CACNA1E: variants seen among roughly 807,000 people sequenced by gnomAD.
The protein encoded by CACNA1E is voltage-dependent R-type calcium channel subunit alpha-1E.
CACNA1E carries 40 observed loss-of-function variants against 259.2 expected under a neutral mutation model. That is an observed-to-expected ratio of 0.15 (90% confidence interval 0.12 to 0.20). The LOEUF is 0.20. Among genes scored for constraint, CACNA1E ranks in the 10% least tolerant of loss-of-function variants. The pLI, the probability that CACNA1E is intolerant of heterozygous loss-of-function variation, is 1.00. For missense variants in CACNA1E, 1,874 were observed against 3,040.1 expected (o/e 0.62, Z 9.02); for synonymous variants, 1,104 against 1,138.5 (o/e 0.97, Z 0.61).
intron 2 of CACNA1E, among the ~76,000 whole-genome samples, chr1:181,429,046 G>A (rs191514877): frequency 2.3e-4 from 35 of 152,204 alleles, no homozygotes; most frequent in African/African-American, 8.2e-4. Flanking sequence ...GCTGGGCATG[G>A]TGGCACACGC....
chr1:181,722,234 A>C (rs937033035), intron 16 of CACNA1E, among the ~76,000 whole-genome samples: 1 of 152,224 alleles, frequency 6.6e-6, no homozygotes, highest in African/African-American at 2.4e-5. Flanking sequence ...ATTACATGCT[A>C]ATGTAGAACA....
Position 181,732,622 on chromosome 1 carries a change from G to A in CACNA1E, c.2536G>A (p.Glu846Lys), listed in dbSNP as rs776705172. ...CCTGGGCCTGGCCCTGGAGAAGTTC[G>A]AGGAGGAGCGCATCAGCCGTGGGGG... is the stretch of plus-strand genomic sequence containing the variant. ...LALGLALEKF[E>K]EERISRGGSL... The change falls in exon 20 of 48, where the codon GAG becomes AAG. Residue 846 changes from glutamate to lysine, a missense_variant. Glu to Lys is a moderately conservative substitution (Grantham distance 56). This residue lies in a region of CACNA1E where 476 missense variants were observed against 514.0 expected (regional missense o/e 0.93). Transcript: ENST00000367573. This position sits in a 1 kb window ranked among gnomAD's most constrained non-coding sequence, Gnocchi z 5.5. The A allele has an allele frequency of 2.4e-5, 35 of 1,489,000 alleles. No homozygotes were observed. In the South Asian group the frequency reaches 2.9e-4, roughly 12 times the overall value. The allele number at this position is 1,489,000 out of a possible 1,614,324, so 92.2% of individuals were successfully genotyped here.
chr1:181,663,396 T>C (rs1274765233), intron 7 of CACNA1E, among the ~76,000 whole-genome samples: 1 of 152,230 alleles, frequency 6.6e-6, no homozygotes, highest in African/African-American at 2.4e-5. Flanking sequence ...CTGGATGCAC[T>C]ATCTTCCTGT....
At chr1:181,763,826 T>C (rs1658796432) in intron 34 of CACNA1E, among the ~76,000 whole-genome samples, 1 of 152,222 alleles carries the variant, frequency 6.6e-6, no homozygotes, top group Non-Finnish European at 1.5e-5. Context: ...AAGATGTGCT[T>C]CATCCATAGA....
chr1:181,693,553 A>G (rs1558273760), intron 7 of CACNA1E, among the ~76,000 whole-genome samples: 1 of 152,218 alleles, frequency 6.6e-6, no homozygotes, highest in Non-Finnish European at 1.5e-5. Flanking sequence ...TTAATGCAGG[A>G]ACAGAAAACC....
chr1:181,707,954 G>A (rs1030406410), intron 7 of CACNA1E, among the ~76,000 whole-genome samples: 2 of 152,190 alleles, frequency 1.3e-5, no homozygotes, highest in Non-Finnish European at 2.9e-5. Context: ...AAGGGATGGG[G>A]AAGAGGTAGA....
At chr1:181,375,241 G>C (rs1475962334) in intron 1 of CACNA1E, among the ~76,000 whole-genome samples, 14 of 152,160 alleles carry the variant, frequency 9.2e-5, no homozygotes, top group Admixed American at 9.2e-4. Flanking sequence ...TGATGCATTA[G>C]ACAAATAACA....
At chr1:181,409,046 A>C (rs1379427029) in intron 1 of CACNA1E, among the ~76,000 whole-genome samples, 1 of 152,206 alleles carries the variant, frequency 6.6e-6, no homozygotes, top group Non-Finnish European at 1.5e-5. Context: ...AATGGAGTCC[A>C]AGAGACGCAG....
intron 6 of CACNA1E, among the ~76,000 whole-genome samples, chr1:181,593,097 T>G (rs983316853): frequency 2.6e-5 from 4 of 152,214 alleles, no homozygotes; most frequent in Non-Finnish European, 4.4e-5. Context: ...GTTTCTACCT[T>G]GAAAGTTTTA....
chr1:181,528,639 C>A (rs1452610311), intron 3 of CACNA1E, among the ~76,000 whole-genome samples: 1 of 152,140 alleles, frequency 6.6e-6, no homozygotes, highest in Non-Finnish European at 1.5e-5. Context: ...CTGTGGTTGT[C>A]TCAGGTGGAG....
chr1:181,641,703 G>GTTTTTTTTTTTT (rs751082929), intron 6 of CACNA1E, among the ~76,000 whole-genome samples: 9 of 81,116 alleles, frequency 1.1e-4, no homozygotes, highest in Non-Finnish European at 1.7e-4. Flanking sequence ...CTAATTTTTT[G>GTTTTTTTTTTTT]TTTTTTTTTT....
intron 3 of CACNA1E, among the ~76,000 whole-genome samples, chr1:181,532,907 C>G (rs1209661712): frequency 2.6e-5 from 4 of 152,160 alleles, no homozygotes; most frequent in Non-Finnish European, 5.9e-5. Context: ...ATAGGTCTCC[C>G]TTGTCTTTGA....
At chr1:181,428,927 A>G (rs1659507726) in intron 2 of CACNA1E, among the ~76,000 whole-genome samples, 1 of 152,284 alleles carries the variant, frequency 6.6e-6, no homozygotes, top group South Asian at 2.1e-4. Flanking sequence ...CATGCCTGTA[A>G]TCCCAGCACT....
chr1:181,770,493 A>G (rs545249342), intron 35 of CACNA1E, among the ~76,000 whole-genome samples: 1 of 152,338 alleles, frequency 6.6e-6, no homozygotes, highest in African/African-American at 2.4e-5. Flanking sequence ...GCAGCAGATC[A>G]GCAAATCTCA....
Position 181,716,111 on chromosome 1 carries a change from G to C in CACNA1E, c.1297G>C (p.Val433Leu). ...TCGAGACTCCAGTGATGAGCACTGT[G>C]TTGATATCTCCTCTGTGGGTGAGTG... ...MTRDSSDEHC[V>L]DISSVGTPLA... Residue 433 changes from valine to leucine, a missense_variant, in exon 10 of 48, where the codon GTT (valine) becomes CTT (leucine). Coordinates refer to ENST00000367573, the MANE Select transcript of CACNA1E (RefSeq NM_001205293.3). 1 of 1,565,484 alleles carries C rather than the reference G, an allele frequency of 6.4e-7. No individual in the cohort carries two copies. The highest frequency in any genetic ancestry group is 1.2e-5 in the South Asian group (1 of 84,846).
intron 43 of CACNA1E, among the ~76,000 whole-genome samples, chr1:181,790,035 C>A (rs555606421): frequency 6.6e-6 from 1 of 152,192 alleles, no homozygotes; most frequent in East Asian, 1.9e-4. Context: ...ATTCTTACTG[C>A]GAGTAGGGAA....
chr1:181,466,578 C>T (rs1377648488), intron 2 of CACNA1E, among the ~76,000 whole-genome samples: 1 of 151,742 alleles, frequency 6.6e-6, no homozygotes, highest in Non-Finnish European at 1.5e-5. Flanking sequence ...CAAAGCAAAG[C>T]AAAGCAAAAC....
intron 3 of CACNA1E, among the ~76,000 whole-genome samples, chr1:181,549,794 G>C (rs540481284): frequency 1.3e-5 from 2 of 152,348 alleles, no homozygotes; most frequent in East Asian, 3.9e-4. Context: ...AGTGTCCGTG[G>C]AGAACGGCAT....
intron 2 of CACNA1E, among the ~76,000 whole-genome samples, chr1:181,431,809 G>A (rs560571238): frequency 6.6e-6 from 1 of 152,310 alleles, no homozygotes; most frequent in East Asian, 1.9e-4. Context: ...TTCATTCTAT[G>A]TGATGGACAG....
Sources: allele counts gnomAD v4.1 joint callset (sites outside exome capture counted in the v4.1 genomes callset), GRCh38; gene constraint gnomAD v4.1.1; regional missense constraint gnomAD v4.1.1; non-coding constraint Gnocchi (gnomAD v3.1); transcripts MANE v1.5; gene names NCBI Gene and HGNC (gene_info 2026-07-23, HGNC 2026-07-21).